The following CACNA1C variants were observed in gnomAD, a reference collection of about 807,000 sequenced individuals.
CACNA1C encodes voltage-dependent L-type calcium channel subunit alpha-1C.
A neutral mutation model predicts 229.0 loss-of-function variants in CACNA1C; 30 were observed. The observed-to-expected ratio is 0.13, with a 90% CI of 0.10 to 0.18. CACNA1C has a LOEUF of 0.18. Ranked by LOEUF, CACNA1C falls within the 10% of genes least tolerant of loss-of-function variation. The probability of loss-of-function intolerance (pLI) is 1.00; values close to 1 mark genes in which losing one functional copy is unlikely to be tolerated. For missense variants in CACNA1C, 1,658 were observed against 2,845.0 expected (o/e 0.58, Z 9.49); for synonymous variants, 1,114 against 1,132.5 (o/e 0.98, Z 0.33).
At chr12:2,537,489 G>T (rs1339696654) in intron 9 of CACNA1C, among the ~76,000 whole-genome samples, 1 of 152,200 alleles carries the variant, frequency 6.6e-6, no homozygotes, top group African/African-American at 2.4e-5. Flanking sequence ...AGAAATGGCT[G>T]ATGTTGCTAT....
chr12:2,192,477 C>T (rs1394093358), intron 3 of CACNA1C, among the ~76,000 whole-genome samples: 1 of 152,252 alleles, frequency 6.6e-6, no homozygotes, highest in African/African-American at 2.4e-5. Flanking sequence ...GACCCTGTCT[C>T]CTTCCACAGG....
At chr12:2,045,216 G>C (rs1174140479) in intron 1 of CACNA1C, among the ~76,000 whole-genome samples, 1 of 152,188 alleles carries the variant, frequency 6.6e-6, no homozygotes, top group East Asian at 1.9e-4. Flanking sequence ...ATTCACAGAA[G>C]GGTAAAAAGA....
At chr12:2,063,153 C>CTT (rs200249420) in intron 1 of CACNA1C, among the ~76,000 whole-genome samples, 9 of 143,608 alleles carry the variant, frequency 6.3e-5, no homozygotes, top group South Asian at 2.3e-4. Flanking sequence ...ATAATAATTC[C>CTT]TTTTTTTTTT....
chr12:2,568,126 G>T (rs2052257076), intron 13 of CACNA1C, among the ~76,000 whole-genome samples: 1 of 152,120 alleles, frequency 6.6e-6, no homozygotes, highest in African/African-American at 2.4e-5. Flanking sequence ...CACCAGCCTT[G>T]GTGCTGATTC....
At chr12:2,584,202 G>A (rs990405355) in intron 15 of CACNA1C, among the ~76,000 whole-genome samples, 11 of 152,314 alleles carry the variant, frequency 7.2e-5, no homozygotes, top group Non-Finnish European at 1.0e-4. Context: ...TCTCAGCAGG[G>A]AAAGCAATCA....
At chr12:2,044,288 C>G (rs900553562) in intron 1 of CACNA1C, among the ~76,000 whole-genome samples, 9 of 152,174 alleles carry the variant, frequency 5.9e-5, no homozygotes, top group African/African-American at 2.2e-4. Flanking sequence ...TCCTGCCATA[C>G]TTGACAACTC....
intron 3 of CACNA1C, among the ~76,000 whole-genome samples, chr12:2,226,115 A>G (rs1223493281): frequency 1.6e-5 from 2 of 127,402 alleles, no homozygotes; most frequent in Non-Finnish European, 3.2e-5. Context: ...CCGCTTGGAT[A>G]TGGGGACGCG....
In CACNA1C at chr12:2,479,807, T is replaced by C. The variant is rs2099663047; in HGVS notation, c.758-6297T>C. Among the ~76,000 whole-genome samples the C allele has an allele frequency of 6.6e-6, 1 of 152,206 alleles. No homozygotes were observed. Among genetic ancestry groups the C allele is most frequent in the Non-Finnish European group, 1.5e-5 (1 of 68,038 alleles). On this transcript the variant is annotated intron_variant, in intron 5 of 46. Transcript: ENST00000399655. This position sits in a 1 kb window ranked among gnomAD's most constrained non-coding sequence, Gnocchi z 4.3. Reference sequence around the variant, plus strand: ...GGGGATATCACATGTAGAAGGGGTTTTCCCAGGCTTGAGGTTGACTCGCCA... The same window carrying C: ...GGGGATATCACATGTAGAAGGGGTTCTCCCAGGCTTGAGGTTGACTCGCCA...
chr12:2,161,886 T>C (rs1027146715), intron 3 of CACNA1C, among the ~76,000 whole-genome samples: 2 of 152,152 alleles, frequency 1.3e-5, no homozygotes, highest in Non-Finnish European at 2.9e-5. Flanking sequence ...AAGAGTGATG[T>C]TTGGAAGCAG....
chr12:2,426,532 T>C (rs572487615), intron 3 of CACNA1C, among the ~76,000 whole-genome samples: 2 of 151,904 alleles, frequency 1.3e-5, no homozygotes, highest in African/African-American at 2.4e-5. Flanking sequence ...AGGATGCCCA[T>C]GAAAATTGTG....
At chr12:2,558,396 C>G (rs1228728524) in intron 11 of CACNA1C, among the ~76,000 whole-genome samples, 1 of 152,212 alleles carries the variant, frequency 6.6e-6, no homozygotes, top group Admixed American at 6.5e-5. Flanking sequence ...CTCTACTTGC[C>G]TCCGGCCTTG....
intron 3 of CACNA1C, among the ~76,000 whole-genome samples, chr12:2,276,049 T>C (rs1269742627): frequency 1.3e-5 from 2 of 152,204 alleles, no homozygotes; most frequent in Non-Finnish European, 2.9e-5. Flanking sequence ...ATGGTATATT[T>C]TATTTTTTAA....
Position 2,679,623 on chromosome 12 carries a change from C to T in CACNA1C, c.5271C>T (p.Ser1757=). 3.7e-6 allele frequency: 6 copies of T among 1,613,902 alleles called. No homozygotes were observed. Among genetic ancestry groups the T allele is most frequent in the Non-Finnish European group, 5.1e-6 (6 of 1,179,850 alleles). The part of the protein sequence containing the change: ...KLVDSTFTPS[S]YSSTGSNANI... Reference sequence around the variant, plus strand: ...TGGACTCCACCTTCACCCCGAGCAGCTACTCGTCCACCGGCTCCAACGCCA... The same window carrying T: ...TGGACTCCACCTTCACCCCGAGCAGTTACTCGTCCACCGGCTCCAACGCCA... Residue 1757 remains serine, a synonymous_variant, in exon 42 of 47, where the codon AGC becomes AGT. Coordinates refer to ENST00000399655, the MANE Select transcript of CACNA1C (RefSeq NM_000719.7). This position sits in a 1 kb window ranked among gnomAD's most constrained non-coding sequence, Gnocchi z 5.5.
chr12:2,667,762 C>G (rs1166221045), intron 37 of CACNA1C, among the ~76,000 whole-genome samples: 1 of 152,092 alleles, frequency 6.6e-6, no homozygotes, highest in Non-Finnish European at 1.5e-5. Flanking sequence ...CAGTTCACAC[C>G]GTCCATGAGG....
chr12:1,973,666 G>A lies in CACNA1C; in HGVS notation c.139+2465G>A, dbSNP rs375464932. ...AAGGTCATATGGAATCTTTTTCATC[G>A]TATACTAATTTCCTAGTTTTATTTG... On this transcript the variant is annotated intron_variant, in intron 1 of 46. Coordinates refer to the CACNA1C transcript ENST00000682462. 8.5e-4 allele frequency among the ~76,000 whole-genome samples: 130 copies of A among 152,154 alleles called. 1 individual carries two copies. The highest frequency in any genetic ancestry group is 2.9e-3 in the African/African-American group (120 of 41,520).
At chr12:2,267,832 G>A (rs1430285909) in intron 3 of CACNA1C, among the ~76,000 whole-genome samples, 1 of 152,142 alleles carries the variant, frequency 6.6e-6, no homozygotes, top group African/African-American at 2.4e-5. Flanking sequence ...TCTGGGAGGG[G>A]TATTCCCCCT....
chr12:2,395,340 TC>T (rs1293552511), intron 3 of CACNA1C, among the ~76,000 whole-genome samples: 3 of 150,676 alleles, frequency 2.0e-5, no homozygotes, highest in Non-Finnish European at 4.4e-5. Context: ...TGCCTCAGCC[TC>T]CCAAGTAGCT....
chr12:2,336,643 A>G (rs1290672952), intron 3 of CACNA1C, among the ~76,000 whole-genome samples: 3 of 152,194 alleles, frequency 2.0e-5, no homozygotes, highest in Non-Finnish European at 2.9e-5. Flanking sequence ...CCCTTCCGGA[A>G]GGCTCTTTGC....
intron 9 of CACNA1C, among the ~76,000 whole-genome samples, chr12:2,524,042 G>C (rs1040718404): frequency 1.3e-5 from 2 of 152,222 alleles, no homozygotes; most frequent in Non-Finnish European, 2.9e-5. Context: ...TTATCATCCA[G>C]TAATGGAGGG....
Sources: allele counts gnomAD v4.1 joint callset (sites outside exome capture counted in the v4.1 genomes callset), GRCh38; gene constraint gnomAD v4.1.1; non-coding constraint Gnocchi (gnomAD v3.1); transcripts MANE v1.5; gene names NCBI Gene and HGNC (gene_info 2026-07-23, HGNC 2026-07-21).